CWC27: variants seen among roughly 807,000 people sequenced by gnomAD.
The protein encoded by CWC27 is CWC27 spliceosome associated cyclophilin.
Under a neutral mutation model 63.6 loss-of-function variants are expected in CWC27, and 47 were observed. The ratio of observed to expected loss-of-function variants is 0.74; its 90% CI spans 0.58 to 0.94. The LOEUF is 0.94. CWC27 is among the 40% of genes least tolerant of loss of function. The probability of loss-of-function intolerance (pLI) is 0.00; values close to 1 mark genes in which losing one functional copy is unlikely to be tolerated. For missense variants in CWC27, 495 were observed against 554.3 expected (o/e 0.89, Z 1.07); for synonymous variants, 175 against 179.8 (o/e 0.97, Z 0.22).
Position 64,801,446 on chromosome 5 carries a change from A to G in CWC27, c.780+114A>G, listed in dbSNP as rs184781523. On this transcript the variant is annotated intron_variant, in intron 9 of 13. Coordinates refer to ENST00000381070, the MANE Select transcript of CWC27 (RefSeq NM_005869.4). The stretch of plus-strand genomic sequence containing the variant: ...TAACGTATATTACTTTTATAGTTAT[A>G]TATGTCAAATTTTGGAAAAATATGA... The G allele has an allele frequency of 7.2e-5, 65 of 902,408 alleles. No homozygotes were observed. In the African/African-American group the frequency reaches 1.0e-3, roughly 14 times the overall value. The allele number at this position is 902,408 out of a possible 1,614,324, so 55.9% of individuals were successfully genotyped here. A position where few individuals can be genotyped will look rare whatever the true frequency, so the allele number is the denominator to read the frequency against.
chr5:64,799,356 G>A (rs186348131), intron 7 of CWC27, among the ~76,000 whole-genome samples: 1 of 152,072 alleles, frequency 6.6e-6, no homozygotes, highest in Admixed American at 6.5e-5. Context: ...GGGAGGCTGA[G>A]GCGGGCAGAT....
chr5:64,910,632 G>A (rs1366206536), intron 11 of CWC27, among the ~76,000 whole-genome samples: 1 of 152,192 alleles, frequency 6.6e-6, no homozygotes, highest in East Asian at 1.9e-4. Context: ...CAGCTGCTTT[G>A]TTTACCTACT....
intron 2 of CWC27, among the ~76,000 whole-genome samples, chr5:64,775,275 C>G (rs1327233992): frequency 6.6e-6 from 1 of 152,124 alleles, no homozygotes; most frequent in Non-Finnish European, 1.5e-5. Context: ...ACCAAATTTA[C>G]CAATTTCTTC....
At chr5:65,004,625 CT>C (rs945489639) in intron 13 of CWC27, among the ~76,000 whole-genome samples, 49 of 150,638 alleles carry the variant, frequency 3.3e-4, no homozygotes, top group African/African-American at 1.1e-3. Context: ...TTGTTTATCT[CT>C]GTTCTCTTGT....
intron 10 of CWC27, among the ~76,000 whole-genome samples, chr5:64,865,047 A>G (rs1197552830): frequency 6.6e-6 from 1 of 152,128 alleles, no homozygotes; most frequent in Non-Finnish European, 1.5e-5. Context: ...TATTTTTGAA[A>G]TAGTTATTCC....
At chr5:64,793,741 T>C (rs1278435977) in intron 7 of CWC27, among the ~76,000 whole-genome samples, 1 of 152,164 alleles carries the variant, frequency 6.6e-6, no homozygotes, top group Non-Finnish European at 1.5e-5. Flanking sequence ...AAATAATTGT[T>C]TCATTCTTCA....
intron 11 of CWC27, among the ~76,000 whole-genome samples, chr5:64,928,407 TTTC>T (rs1254416526): frequency 1.3e-5 from 2 of 152,222 alleles, no homozygotes; most frequent in African/African-American, 2.4e-5. Flanking sequence ...GTCAAAAAGT[TTTC>T]TTCTTCTTTT....
At chr5:64,901,058 G>A (rs978529199) in intron 11 of CWC27, among the ~76,000 whole-genome samples, 1 of 151,770 alleles carries the variant, frequency 6.6e-6, no homozygotes, top group Non-Finnish European at 1.5e-5. Context: ...TATGGCCCAA[G>A]ACAATTCTTC....
At chr5:64,907,455 T>C (rs1015323294) in intron 11 of CWC27, among the ~76,000 whole-genome samples, 1 of 152,200 alleles carries the variant, frequency 6.6e-6, no homozygotes, top group South Asian at 2.1e-4. Flanking sequence ...CACTCATGAT[T>C]TGGCTCTCTG....
chr5:64,769,785 G>C, intron 1 of CWC27, among the ~76,000 whole-genome samples: 1 of 152,196 alleles, frequency 6.6e-6, no homozygotes, highest in Admixed American at 6.5e-5. Context: ...GATATCTTTT[G>C]AGCTGGTTTT....
At chr5:64,877,878 A>G (rs1314146834) in intron 10 of CWC27, among the ~76,000 whole-genome samples, 2 of 151,840 alleles carry the variant, frequency 1.3e-5, no homozygotes, top group African/African-American at 2.4e-5. Context: ...TGCCATCTCT[A>G]TACTTCAGCT....
chr5:64,776,080 AG>A (rs1743435149), intron 2 of CWC27, among the ~76,000 whole-genome samples: 1 of 29,614 alleles, frequency 3.4e-5, no homozygotes, highest in African/African-American at 1.3e-4. Flanking sequence ...AGAGAGAGAG[AG>A]AGAGAGAGAG....
chr5:64,953,502 G>A (rs1031613928), intron 11 of CWC27, among the ~76,000 whole-genome samples: 2 of 151,958 alleles, frequency 1.3e-5, no homozygotes, highest in African/African-American at 4.8e-5. Flanking sequence ...TAATCAGTGA[G>A]AACGTGTCTG....
intron 11 of CWC27, among the ~76,000 whole-genome samples, chr5:64,903,457 A>G (rs1053808375): frequency 1.3e-5 from 2 of 151,976 alleles, no homozygotes; most frequent in African/African-American, 2.4e-5. Flanking sequence ...GTTCTCACTC[A>G]TAAGTGGGAG....
chr5:64,881,262 C>G (rs1228409171), intron 10 of CWC27, among the ~76,000 whole-genome samples: 1 of 152,082 alleles, frequency 6.6e-6, no homozygotes, highest in Non-Finnish European at 1.5e-5. Context: ...CTACCCTTCT[C>G]TGTCTCACCT....
At chr5:64,788,270 A>G (rs1743952809) in intron 6 of CWC27, among the ~76,000 whole-genome samples, 1 of 151,902 alleles carries the variant, frequency 6.6e-6, no homozygotes, top group African/African-American at 2.4e-5. Flanking sequence ...TGTTTCCAGC[A>G]AATATATTGG....
intron 10 of CWC27, among the ~76,000 whole-genome samples, chr5:64,821,791 A>G (rs924670197): frequency 6.6e-6 from 1 of 152,194 alleles, no homozygotes; most frequent in African/African-American, 2.4e-5. Context: ...GAACTTGGCA[A>G]TATAGGATTT....
chr5:64,943,340 A>T (rs1306793669), intron 11 of CWC27, among the ~76,000 whole-genome samples: 1 of 152,252 alleles, frequency 6.6e-6, no homozygotes, highest in Non-Finnish European at 1.5e-5. Context: ...AAAGCATTTT[A>T]AAAACATTCC....
intron 11 of CWC27, among the ~76,000 whole-genome samples, chr5:64,894,353 C>T (rs948450838): frequency 2.0e-5 from 3 of 152,092 alleles, no homozygotes; most frequent in Non-Finnish European, 4.4e-5. Flanking sequence ...CTTTATACTA[C>T]TTGTTTTTCA....
Sources: gnomAD v4.1 joint callset for allele counts (sites outside exome capture counted in the v4.1 genomes callset) on GRCh38, gnomAD v4.1.1 for gene constraint, MANE v1.5 for transcripts, NCBI Gene and HGNC (gene_info 2026-07-23, HGNC 2026-07-21) for gene names.